Variants in SLC44A1 observed in about 807,000 individuals in gnomAD.
SLC44A1 encodes the protein solute carrier family 44 member 1, also known as choline transporter-like protein 1.
SLC44A1 carries 26 observed loss-of-function variants against 79.3 expected under a neutral mutation model. The observed-to-expected ratio is 0.33, with a 90% confidence interval of 0.24 to 0.46. The LOEUF is 0.46. Among genes scored for constraint, SLC44A1 ranks in the 20% least tolerant of loss-of-function variants. The pLI, the probability that SLC44A1 is intolerant of heterozygous loss-of-function variation, is 1.00. For missense variants in SLC44A1, 688 were observed against 798.1 expected, an observed-to-expected ratio of 0.86 and a Z score of 1.66; for synonymous variants, 263 against 286.2, an observed-to-expected ratio of 0.92 and a Z score of 0.82.
intron 1 of SLC44A1, among the ~76,000 whole-genome samples, chr9:105,276,602 G>A (rs1050831071): frequency 6.7e-6 from 1 of 150,240 alleles, no homozygotes; most frequent in African/African-American, 2.5e-5. Context: ...GTGTGTGTGT[G>A]TGTGTGTGTG....
intron 1 of SLC44A1, among the ~76,000 whole-genome samples, chr9:105,278,442 G>T (rs1030520075): frequency 6.6e-6 from 1 of 152,142 alleles, no homozygotes; most frequent in Non-Finnish European, 1.5e-5. Context: ...TAGAGATGGG[G>T]TTTCATCATG....
chr9:105,393,752 T>G lies in SLC44A1; in HGVS notation c.*4696T>G. On this transcript the variant is annotated 3_prime_UTR_variant, in exon 16 of 16. Transcript: ENST00000374720. ...CAGAATGTGTTCTAAGGAAATTCGTTAGTAAATTTGTGAAAAACATGTGAG... is the reference window on the plus strand; with the variant it reads ...CAGAATGTGTTCTAAGGAAATTCGTGAGTAAATTTGTGAAAAACATGTGAG... The G allele has an allele frequency of 1.0e-6, 1 of 985,332 alleles. No homozygotes were observed. The highest frequency in any genetic ancestry group is 1.1e-4 in the East Asian group (1 of 8,814). 61.0% of individuals were successfully genotyped at this position (985,332 alleles called of 1,614,324 possible).
At chr9:105,270,569 C>G (rs1830054660) in intron 1 of SLC44A1, among the ~76,000 whole-genome samples, 1 of 152,166 alleles carries the variant, frequency 6.6e-6, no homozygotes, top group Non-Finnish European at 1.5e-5. Flanking sequence ...TGTCAAACAC[C>G]TCGAGATCCT....
intron 2 of SLC44A1, among the ~76,000 whole-genome samples, chr9:105,304,944 GTTTTTTTTTTTTTTTTTTTTTT>G (rs10589897): frequency 9.5e-4 from 19 of 20,084 alleles, no homozygotes; most frequent in Admixed American, 2.0e-3. Flanking sequence ...ACTTTCTATC[GTTTTTTTTTTTTTTTTTTTTTT>G]TTTTTTTTTT....
At chr9:105,356,737 C>T (rs753948136) in intron 6 of SLC44A1, among the ~76,000 whole-genome samples, 10 of 152,034 alleles carry the variant, frequency 6.6e-5, no homozygotes, top group South Asian at 2.1e-4. Flanking sequence ...ATACAGGAGG[C>T]GACATATTCT....
intron 2 of SLC44A1, among the ~76,000 whole-genome samples, chr9:105,300,305 T>C (rs1413167570): frequency 6.6e-6 from 1 of 152,200 alleles, no homozygotes; most frequent in East Asian, 1.9e-4. Context: ...ATTATTGCTC[T>C]CTCTTTCTTA....
At chr9:105,388,941 TTTGTGA>T in intron 15 of SLC44A1, 86 bp from the exon 16 acceptor site, 1 of 965,186 alleles carries the variant, frequency 1.0e-6, no homozygotes, top group African/African-American at 1.6e-5. Flanking sequence ...TGTCTTGCTG[TTTGTGA>T]CCATGTGTAT....
intron 1 of SLC44A1, among the ~76,000 whole-genome samples, chr9:105,260,411 T>C (rs1204785891): frequency 6.6e-6 from 1 of 152,188 alleles, no homozygotes; most frequent in Non-Finnish European, 1.5e-5. Flanking sequence ...GCTTCTCAAT[T>C]TCATTCTCCC....
chr9:105,266,108 C>T (rs933977582), intron 1 of SLC44A1, among the ~76,000 whole-genome samples: 7 of 152,066 alleles, frequency 4.6e-5, no homozygotes, highest in Non-Finnish European at 7.4e-5. Context: ...TAGGTGTGTG[C>T]CACCGTACCT....
intron 15 of SLC44A1, among the ~76,000 whole-genome samples, chr9:105,411,736 C>A (rs1829098022): frequency 6.6e-6 from 1 of 152,122 alleles, no homozygotes; most frequent in South Asian, 2.1e-4. Flanking sequence ...TTGTCTAAAG[C>A]TTCCTCATGA....
intron 12 of SLC44A1, among the ~76,000 whole-genome samples, chr9:105,371,155 T>C (rs1828085948): frequency 1.3e-5 from 2 of 152,212 alleles, no homozygotes; most frequent in African/African-American, 4.8e-5. Context: ...TTACTAAAAC[T>C]TGAAATGAGC....
rs1336161206 is a variant in SLC44A1, at chr9:105,408,314, C to A, written c.1950+22812C>A. On this transcript the variant is annotated intron_variant, in intron 15 of 15. Transcript: ENST00000374724. ...AAGAACACAAGTAACTCTAGCTATA[C>A]AAAAAAATAAAAAATAAAAACATCA... is the stretch of plus-strand genomic sequence containing the variant. Among the ~76,000 whole-genome samples, 3 of 151,996 alleles carry A rather than the reference C, an allele frequency of 2.0e-5. No homozygotes were observed. In the East Asian group the frequency reaches 5.8e-4, roughly 29 times the overall value.
intron 1 of SLC44A1, among the ~76,000 whole-genome samples, chr9:105,259,447 ACT>A (rs1829791178): frequency 6.6e-6 from 1 of 152,154 alleles, no homozygotes; most frequent in South Asian, 2.1e-4. Context: ...AATAAAGTTG[ACT>A]CTGGAGCACA....
At chr9:105,290,175 T>C (rs1298822668) in intron 1 of SLC44A1, among the ~76,000 whole-genome samples, 1 of 152,206 alleles carries the variant, frequency 6.6e-6, no homozygotes, top group Non-Finnish European at 1.5e-5. Flanking sequence ...AGTAAGAATC[T>C]TATATTGCAT....
chr9:105,342,121 A>G (rs1389082655), intron 4 of SLC44A1, among the ~76,000 whole-genome samples: 3 of 152,216 alleles, frequency 2.0e-5, no homozygotes, highest in Non-Finnish European at 4.4e-5. Context: ...TTCAAATAAC[A>G]CATACGGTAG....
At chr9:105,277,766 C>T (rs1830243214) in intron 1 of SLC44A1, among the ~76,000 whole-genome samples, 2 of 152,128 alleles carry the variant, frequency 1.3e-5, no homozygotes, top group Admixed American at 1.3e-4. Context: ...CCAAGTAGTG[C>T]ATGGGAAGTA....
At chr9:105,351,681 GA>G (rs1300940122) in intron 5 of SLC44A1, among the ~76,000 whole-genome samples, 2 of 63,156 alleles carry the variant, frequency 3.2e-5, no homozygotes, top group African/African-American at 7.3e-5. Flanking sequence ...AAAGAACCAA[GA>G]AAAAAATGTT....
chr9:105,260,541 A>T (rs550475081), intron 1 of SLC44A1, among the ~76,000 whole-genome samples: 2 of 152,354 alleles, frequency 1.3e-5, no homozygotes, highest in Admixed American at 1.3e-4. Flanking sequence ...CACAAACTTC[A>T]TGTTCTTCTT....
chr9:105,279,218 A>G (rs922428129), intron 1 of SLC44A1, among the ~76,000 whole-genome samples: 2 of 151,968 alleles, frequency 1.3e-5, no homozygotes, highest in African/African-American at 4.8e-5. Context: ...GGTATTCAGT[A>G]AGAACAACTT....
Sources: allele counts gnomAD v4.1 joint callset (sites outside exome capture counted in the v4.1 genomes callset), GRCh38; gene constraint gnomAD v4.1.1; transcripts MANE v1.5; gene names NCBI Gene and HGNC (gene_info 2026-07-23, HGNC 2026-07-21).